SLC12A2: variants seen among roughly 807,000 people sequenced by gnomAD.
SLC12A2 encodes the protein Na-K-2Cl cotransporter 1.
Under a neutral mutation model 136.3 loss-of-function variants are expected in SLC12A2, and 67 were observed. That is an observed-to-expected ratio of 0.49 (90% CI 0.40 to 0.60). SLC12A2 has a LOEUF of 0.60. Ranked by LOEUF, SLC12A2 falls within the 20% of genes least tolerant of loss-of-function variation. The pLI, the probability that SLC12A2 is intolerant of heterozygous loss-of-function variation, is 0.00. For synonymous variants in SLC12A2, 619 were observed against 562.9 expected, an observed-to-expected ratio of 1.10 and a Z score of -1.41; for missense variants, 1,322 against 1,534.7, an observed-to-expected ratio of 0.86 and a Z score of 2.32.
chr5:128,148,709 A>G lies in SLC12A2; in HGVS notation c.1882-45A>G, dbSNP rs757270279. The G allele has an allele frequency of 5.4e-6, 8 of 1,493,064 alleles. No homozygotes were observed. In the Admixed American group the frequency reaches 9.1e-5, roughly 17 times the overall value. 92.5% of individuals were successfully genotyped at this position (1,493,064 alleles called of 1,614,324 possible). A position where few individuals can be genotyped will look rare whatever the true frequency, so the allele number is the denominator to read the frequency against. ...CTATTAGAACTATCAGCAAATCTGCATGTCTAATTTTAATATGTTTCATTT... is the reference window on the plus strand; with the variant it reads ...CTATTAGAACTATCAGCAAATCTGCGTGTCTAATTTTAATATGTTTCATTT... On this transcript the variant is annotated intron_variant, in intron 11 of 26. Coordinates refer to ENST00000262461, the MANE Select transcript of SLC12A2 (RefSeq NM_001046.3).
In SLC12A2 at chr5:128,112,888, A is replaced by C. The variant is rs759458626; in HGVS notation, c.831A>C (p.Ala277=). 1 of 1,613,334 alleles carries C rather than the reference A, an allele frequency of 6.2e-7. No individual in the cohort carries two copies. Among genetic ancestry groups the C allele is most frequent in the Non-Finnish European group, 8.5e-7 (1 of 1,179,486 alleles). ...GAGATGCTGTGGTCACGTATACTGC[A>C]GAAAGTAAAGGAGTCGTGAAGTTTG... is the stretch of plus-strand genomic sequence containing the variant. ...PTRDAVVTYT[A]ESKGVVKFGW... is the part of the protein sequence containing the mutation. The change falls in exon 2 of 27, where the codon GCA becomes GCC. Residue 277 remains alanine (A), a synonymous_variant. Transcript: ENST00000262461.
At chr5:128,177,436 TAGA>T (rs1763572483) in intron 21 of SLC12A2, 1 of 253,968 alleles carries the variant, frequency 3.9e-6, no homozygotes, top group East Asian at 9.9e-5. Context: ...CTGCATGGTT[TAGA>T]TGATAAGTAG....
intron 17 of SLC12A2, among the ~76,000 whole-genome samples, chr5:128,166,170 T>A (rs1035082762): frequency 2.0e-5 from 3 of 152,134 alleles, no homozygotes; most frequent in African/African-American, 7.2e-5. Flanking sequence ...AATATTTGAA[T>A]TAATTTTTTT....
At chr5:128,143,876 G>T (rs1266842356) in intron 10 of SLC12A2, among the ~76,000 whole-genome samples, 1 of 148,800 alleles carries the variant, frequency 6.7e-6, no homozygotes, top group Non-Finnish European at 1.5e-5. Flanking sequence ...ATTTGTAAAG[G>T]CATTGTTTTT....
chr5:128,183,785 C>T (rs575278478), intron 24 of SLC12A2, among the ~76,000 whole-genome samples: 2 of 152,058 alleles, frequency 1.3e-5, no homozygotes, highest in African/African-American at 4.8e-5. Context: ...CACAATTTGA[C>T]TTATTGCTCA....
At chr5:128,099,433 A>T (rs1760665455) in intron 1 of SLC12A2, among the ~76,000 whole-genome samples, 1 of 152,220 alleles carries the variant, frequency 6.6e-6, no homozygotes, top group South Asian at 2.1e-4. Context: ...AAGGCCTAAC[A>T]CATTACTGTA....
intron 1 of SLC12A2, among the ~76,000 whole-genome samples, chr5:128,111,723 C>T (rs1340026229): frequency 6.7e-6 from 1 of 150,226 alleles, no homozygotes. Context: ...TGAGATCGCG[C>T]CACTGCACTG....
At position 128,174,625 on chromosome 5, in the gene SLC12A2, A is replaced by G. The variant is rs755110466; in HGVS notation, c.2888A>G (p.Asp963Gly). The change falls in exon 20 of 27, where the codon GAT becomes GGT. Residue 963 changes from aspartate (D) to glycine (G), a missense_variant. By Grantham distance (94) the Asp-to-Gly change is moderately conservative. Coordinates refer to ENST00000262461, the MANE Select transcript of SLC12A2 (RefSeq NM_001046.3). The part of the protein sequence containing the change: ...SVEYSKKSDL[D>G]TSKPLSEKPI... ...GAATATAGTAAAAAGTCCGATTTAGATACTTCCAAACCACTCAGTGAAAAA... is the reference window on the plus strand; with the variant it reads ...GAATATAGTAAAAAGTCCGATTTAGGTACTTCCAAACCACTCAGTGAAAAA... 3 of 1,609,144 alleles carry G rather than the reference A, an allele frequency of 1.9e-6. No homozygotes were observed. The highest frequency in any genetic ancestry group is 1.7e-5 in the Admixed American group (1 of 59,650).
At chr5:128,174,445 T>G (rs190010346) in intron 19 of SLC12A2, 96 bp from the exon 20 acceptor site, 1 of 905,138 alleles carries the variant, frequency 1.1e-6, no homozygotes. Context: ...ATAATAAACT[T>G]ATTTTTTCAT....
In SLC12A2 at chr5:128,121,757, A is replaced by G. The variant is rs932237329; in HGVS notation, c.1048+7076A>G. Among the ~76,000 whole-genome samples, 167 of 152,210 alleles carry G rather than the reference A, an allele frequency of 1.1e-3. 2 individuals are homozygous for G. Among genetic ancestry groups the G allele is most frequent in the Non-Finnish European group, 3.5e-4 (24 of 68,026 alleles). ...ATTTCTGTCATAATCCCTGCCTGCA[A>G]GACACATTAATGCTTTTCAGATTAT... On this transcript the variant is annotated intron_variant, in intron 4 of 26. Transcript: ENST00000262461.
At chr5:128,115,552 G>A (rs1761314424) in intron 4 of SLC12A2, among the ~76,000 whole-genome samples, 2 of 152,142 alleles carry the variant, frequency 1.3e-5, no homozygotes, top group African/African-American at 4.8e-5. Flanking sequence ...AGAGACTACG[G>A]GAGAATGGAA....
rs149538570 is a variant in SLC12A2, at chr5:128,088,112, T to C, written c.756+3402T>C. 2.0e-5 allele frequency among the ~76,000 whole-genome samples: 3 copies of C among 151,778 alleles called. No homozygotes were observed. The East Asian group carries it at 5.8e-4, about 29-fold the overall frequency. On this transcript the variant is annotated intron_variant, in intron 1 of 26. Transcript: ENST00000262461. ...GGTTGCTTAAGGTCATGGACTAAAT[T>C]ACTTAGGGAGAGTGGTAGATAAGAG...
At chr5:128,110,685 A>G (rs1432824926) in intron 1 of SLC12A2, 15 of 1,383,700 alleles carry the variant, frequency 1.1e-5, no homozygotes, top group East Asian at 6.9e-5. Context: ...CATTTTTACA[A>G]TGAGCTCTGC....
intron 4 of SLC12A2, among the ~76,000 whole-genome samples, chr5:128,122,734 AT>A (rs946131047): frequency 3.3e-4 from 50 of 152,274 alleles, no homozygotes; most frequent in African/African-American, 1.2e-3. Flanking sequence ...TGCTTTCTGC[AT>A]TTGAAAAATC....
chr5:128,165,105 G>C (rs1438652455), intron 17 of SLC12A2, among the ~76,000 whole-genome samples: 1 of 152,124 alleles, frequency 6.6e-6, no homozygotes, highest in East Asian at 1.9e-4. Flanking sequence ...GCCTCTCAAA[G>C]TGCTGGGATT....
At position 128,178,602 on chromosome 5, in the gene SLC12A2, G is replaced by T; in HGVS notation, c.3013G>T (p.Asp1005Tyr). The stretch of plus-strand genomic sequence containing the variant: ...CCCTATTGTGCCTTTAAATGTAGCT[G>T]ACCAAAAGCTTCTTGAAGCTAGTAC... ...KGPIVPLNVA[D>Y]QKLLEASTQF... Residue 1005 changes from aspartate (D) to tyrosine (Y), a missense_variant, in exon 22 of 27, where the codon GAC (aspartate) becomes TAC (tyrosine). Physicochemically the swap from Asp to Tyr is radical, Grantham distance 160 (BLOSUM62 -3). Transcript: ENST00000262461. The T allele has an allele frequency of 1.3e-6, 2 of 1,599,758 alleles. No individual in the cohort carries two copies. Among genetic ancestry groups the T allele is most frequent in the South Asian group, 2.3e-5 (2 of 88,110 alleles).
intron 5 of SLC12A2, among the ~76,000 whole-genome samples, chr5:128,131,443 CA>C (rs1327897182): frequency 6.6e-6 from 1 of 151,372 alleles, no homozygotes; most frequent in African/African-American, 2.4e-5. Flanking sequence ...GCGAGCGGAT[CA>C]CGAGGTCAGG....
chr5:128,105,543 T>C (rs1760901497), intron 1 of SLC12A2, among the ~76,000 whole-genome samples: 1 of 152,104 alleles, frequency 6.6e-6, no homozygotes, highest in Non-Finnish European at 1.5e-5. Context: ...GGTGTTGTGG[T>C]GAGGGGAAGC....
chr5:128,164,028 C>T (rs1423842755), intron 17 of SLC12A2, among the ~76,000 whole-genome samples: 1 of 151,998 alleles, frequency 6.6e-6, no homozygotes, highest in Non-Finnish European at 1.5e-5. Flanking sequence ...TTCTGATAGC[C>T]AATTTATACA....
Sources: allele counts gnomAD v4.1 joint callset (sites outside exome capture counted in the v4.1 genomes callset), GRCh38; gene constraint gnomAD v4.1.1; transcripts MANE v1.5; gene names NCBI Gene and HGNC (gene_info 2026-07-23, HGNC 2026-07-21).